Variants in JAKMIP2 observed in about 807,000 individuals in gnomAD.
The protein encoded by JAKMIP2 is janus kinase and microtubule-interacting protein 2.
JAKMIP2 carries 25 observed loss-of-function variants against 115.0 expected under a neutral mutation model. That is an observed-to-expected ratio of 0.22 (90% CI 0.16 to 0.30). The LOEUF (loss-of-function observed/expected upper bound fraction) is 0.30, where lower values mean the gene tolerates loss of function less well. Ranked by LOEUF, JAKMIP2 falls within the 10% of genes least tolerant of loss-of-function variation. The pLI, the probability that JAKMIP2 is intolerant of heterozygous loss-of-function variation, is 1.00. For synonymous variants in JAKMIP2, 334 were observed against 343.6 expected (o/e 0.97, Z 0.31); for missense variants, 642 against 957.6 (o/e 0.67, Z 4.35).
chr5:147,736,634 T>G (rs1753935044), intron 1 of JAKMIP2, among the ~76,000 whole-genome samples: 1 of 151,958 alleles, frequency 6.6e-6, no homozygotes, highest in Non-Finnish European at 1.5e-5. Flanking sequence ...ATGTTGGATA[T>G]TTATAAGGGG....
intron 5 of JAKMIP2, among the ~76,000 whole-genome samples, chr5:147,646,742 T>A (rs2126734533): frequency 6.6e-6 from 1 of 151,080 alleles, no homozygotes; most frequent in East Asian, 1.9e-4. Context: ...GTAGTTCAAC[T>A]AATAACAACG....
intron 1 of JAKMIP2, among the ~76,000 whole-genome samples, chr5:147,701,183 T>A (rs1162666498): frequency 2.0e-5 from 3 of 152,124 alleles, no homozygotes; most frequent in Non-Finnish European, 4.4e-5. Flanking sequence ...GAAGAGGGTA[T>A]CCTGGGATTA....
chr5:147,699,153 A>G (rs1265014874), intron 1 of JAKMIP2, among the ~76,000 whole-genome samples: 1 of 152,250 alleles, frequency 6.6e-6, no homozygotes, highest in Non-Finnish European at 1.5e-5. Flanking sequence ...ACACTAAAGC[A>G]TATCACATTT....
intron 1 of JAKMIP2, among the ~76,000 whole-genome samples, chr5:147,708,017 T>C (rs1159479502): frequency 6.6e-6 from 1 of 152,214 alleles, no homozygotes. Context: ...TGGTATTTTA[T>C]ATTTATCAAT....
In JAKMIP2 at chr5:147,720,888, G is replaced by C. The variant is rs1471396561; in HGVS notation, c.-148-48934C>G. Among the ~76,000 whole-genome samples, 7 of 152,356 alleles carry C rather than the reference G, an allele frequency of 4.6e-5. No individual in the cohort carries two copies. The South Asian group carries it at 6.2e-4, about 14-fold the overall frequency. On this transcript the variant is annotated intron_variant, in intron 1 of 21. Coordinates refer to ENST00000616793, the MANE Select transcript of JAKMIP2 (RefSeq NM_001270941.2). Reference sequence around the variant, plus strand: ...TCCGTCCAGCTTTGTTCCATTGCTGGTGAGGAACTGCATTCCTTTGGAGGA... The same window carrying C: ...TCCGTCCAGCTTTGTTCCATTGCTGCTGAGGAACTGCATTCCTTTGGAGGA...
intron 21 of JAKMIP2, among the ~76,000 whole-genome samples, chr5:147,597,946 C>A (rs1755479192): frequency 1.3e-5 from 2 of 151,752 alleles, no homozygotes; most frequent in Admixed American, 6.6e-5. Context: ...TGGCCTTTGA[C>A]TGAGAGTTAC....
chr5:147,733,970 G>A (rs1254536423), intron 1 of JAKMIP2, among the ~76,000 whole-genome samples: 1 of 151,996 alleles, frequency 6.6e-6, no homozygotes, highest in East Asian at 1.9e-4. Flanking sequence ...TAATCCTTTG[G>A]GTATATACTC....
intron 20 of JAKMIP2, among the ~76,000 whole-genome samples, chr5:147,610,509 G>C (rs1333916296): frequency 6.6e-6 from 1 of 152,228 alleles, no homozygotes; most frequent in East Asian, 1.9e-4. Flanking sequence ...ATCACCAGCA[G>C]AGGCTGCAGA....
rs549541345 is a variant in JAKMIP2 at position 147,758,140 on chromosome 5, C to T, written c.-149+24316G>A. On this transcript the variant is annotated intron_variant, in intron 1 of 21. Transcript: ENST00000616793. ...AAAGATTCAGAAAAATAATGAAGGT[C>T]TCTGAGGTTTAATTCCTCTAATGAG... 3.9e-5 allele frequency among the ~76,000 whole-genome samples: 6 copies of T among 152,206 alleles called. No individual in the cohort carries two copies. In the South Asian group the frequency reaches 1.2e-3, roughly 32 times the overall value.
chr5:147,707,510 T>TCAGAGTGA (rs1305630391), intron 1 of JAKMIP2, among the ~76,000 whole-genome samples: 1 of 152,090 alleles, frequency 6.6e-6, no homozygotes. Flanking sequence ...CCACATTATC[T>TCAGAGTGA]CAGAGTGACG....
chr5:147,627,869 T>A (rs1325282686), intron 16 of JAKMIP2, among the ~76,000 whole-genome samples: 3 of 152,150 alleles, frequency 2.0e-5, no homozygotes, highest in African/African-American at 7.2e-5. Context: ...GTTCTCCCTG[T>A]TTTTTATTTC....
At chr5:147,710,354 T>C (rs889454493) in intron 1 of JAKMIP2, among the ~76,000 whole-genome samples, 3 of 152,182 alleles carry the variant, frequency 2.0e-5, no homozygotes, top group African/African-American at 4.8e-5. Context: ...TTCCATCAAA[T>C]ATATTAGCTA....
intron 1 of JAKMIP2, among the ~76,000 whole-genome samples, chr5:147,699,420 G>A (rs1184962107): frequency 1.3e-5 from 2 of 152,028 alleles, no homozygotes; most frequent in East Asian, 3.9e-4. Flanking sequence ...AAGATCTAGG[G>A]AAGTTGTTTA....
intron 1 of JAKMIP2, among the ~76,000 whole-genome samples, chr5:147,728,645 A>G (rs181410670): frequency 2.8e-4 from 43 of 152,352 alleles, no homozygotes; most frequent in African/African-American, 1.0e-3. Flanking sequence ...TAAATCAAAT[A>G]TTGTCAGAAA....
At position 147,644,921 on chromosome 5, in the gene JAKMIP2, C is replaced by T. The variant is rs747535652; in HGVS notation, c.1012G>A (p.Asp338Asn). The T allele has an allele frequency of 6.2e-7, 1 of 1,613,742 alleles. No homozygotes were observed. Among genetic ancestry groups the T allele is most frequent in the Admixed American group, 1.7e-5 (1 of 59,988 alleles). ...ERNKCLAKRNDELMVSLQRME... is the reference protein window; with the variant it reads ...ERNKCLAKRNNELMVSLQRME... ...CGCTGCAAGGACACCATCAGTTCAT[C>T]GTTTCTCTTGGCGAGGCACTTGTTC... The change falls in exon 6 of 22, where the codon GAT becomes AAT. Residue 338 changes from aspartate (D) to asparagine (N), a missense_variant. Asp to Asn is a conservative substitution (Grantham distance 23, BLOSUM62 1). Coordinates refer to ENST00000616793, the MANE Select transcript of JAKMIP2 (RefSeq NM_001270941.2).
intron 1 of JAKMIP2, among the ~76,000 whole-genome samples, chr5:147,782,249 T>C (rs1427616390): frequency 4.2e-5 from 6 of 143,766 alleles, no homozygotes; most frequent in African/African-American, 1.5e-4. Flanking sequence ...CAGAACACCA[T>C]TTTTTTTTTT....
At chr5:147,675,454 C>T (rs57114248) in intron 1 of JAKMIP2, among the ~76,000 whole-genome samples, 2 of 151,654 alleles carry the variant, frequency 1.3e-5, no homozygotes, top group African/African-American at 2.4e-5. Context: ...TACTGCATCT[C>T]TTTTGTCTCC....
chr5:147,692,176 C>A (rs758375519), intron 1 of JAKMIP2, among the ~76,000 whole-genome samples: 1 of 152,140 alleles, frequency 6.6e-6, no homozygotes, highest in Non-Finnish European at 1.5e-5. Flanking sequence ...CACAAACATA[C>A]AGATATATCC....
intron 20 of JAKMIP2, among the ~76,000 whole-genome samples, chr5:147,605,736 C>G (rs547003607): frequency 9.9e-5 from 15 of 152,116 alleles, no homozygotes; most frequent in Non-Finnish European, 1.8e-4. Context: ...ATTTCTAGTT[C>G]TAGATCCTTG....
Sources: gnomAD v4.1 joint callset for allele counts (sites outside exome capture counted in the v4.1 genomes callset) on GRCh38, gnomAD v4.1.1 for gene constraint, MANE v1.5 for transcripts, NCBI Gene and HGNC (gene_info 2026-07-23, HGNC 2026-07-21) for gene names.